Variants in ASIC2 observed in about 807,000 individuals in gnomAD.
ASIC2 encodes the protein acid sensing ion channel subunit 2, also known as acid-sensing ion channel 2.
ASIC2 carries 25 observed loss-of-function variants against 57.3 expected under a neutral mutation model. The observed-to-expected ratio is 0.44, with a 90% CI of 0.32 to 0.61. The LOEUF is 0.61. Among genes scored for constraint, ASIC2 ranks in the 20% least tolerant of loss-of-function variants. The pLI, the probability that ASIC2 is intolerant of heterozygous loss-of-function variation, is 0.06. For synonymous variants in ASIC2, 319 were observed against 307.5 expected, an observed-to-expected ratio of 1.04 and a Z score of -0.39; for missense variants, 641 against 738.1, an observed-to-expected ratio of 0.87 and a Z score of 1.52.
At chr17:33,520,635 A>G (rs1161051648) in intron 1 of ASIC2, among the ~76,000 whole-genome samples, 2 of 152,244 alleles carry the variant, frequency 1.3e-5, no homozygotes, top group African/African-American at 4.8e-5. Flanking sequence ...GTGAGCCCAC[A>G]GTCTGGCTGA....
intron 1 of ASIC2, among the ~76,000 whole-genome samples, chr17:33,284,302 T>C (rs1441300597): frequency 6.6e-6 from 1 of 152,226 alleles, no homozygotes; most frequent in Non-Finnish European, 1.5e-5. Flanking sequence ...CATTTCCTCA[T>C]GCAGGACTTC....
At chr17:34,102,865 C>T (rs1039009518) in intron 1 of ASIC2, among the ~76,000 whole-genome samples, 2 of 152,108 alleles carry the variant, frequency 1.3e-5, no homozygotes, top group Admixed American at 1.3e-4. Context: ...TAAGAAATTA[C>T]CAAAGTGGTT....
intron 1 of ASIC2, among the ~76,000 whole-genome samples, chr17:33,391,164 T>G (rs1297347927): frequency 6.6e-6 from 1 of 152,210 alleles, no homozygotes; most frequent in Non-Finnish European, 1.5e-5. Context: ...ACTATCCTTA[T>G]TTTATAGATG....
intron 1 of ASIC2, among the ~76,000 whole-genome samples, chr17:33,765,874 C>T (rs1251406795): frequency 6.6e-6 from 1 of 152,180 alleles, no homozygotes; most frequent in Non-Finnish European, 1.5e-5. Context: ...ACCGCACAGC[C>T]CCAGATGTGG....
At chr17:33,553,831 T>C (rs535052779) in intron 1 of ASIC2, among the ~76,000 whole-genome samples, 93 of 152,326 alleles carry the variant, frequency 6.1e-4, no homozygotes, top group Non-Finnish European at 1.1e-3. Context: ...TAACTTATTC[T>C]AATGTCTCAC....
At chr17:33,417,330 AT>A (rs1389527108) in intron 1 of ASIC2, among the ~76,000 whole-genome samples, 3 of 152,210 alleles carry the variant, frequency 2.0e-5, no homozygotes, top group African/African-American at 7.2e-5. Context: ...GCTTCCAGTG[AT>A]GGCAAAATCA....
chr17:34,016,027 T>A (rs551469763), intron 1 of ASIC2, among the ~76,000 whole-genome samples: 18 of 152,316 alleles, frequency 1.2e-4, no homozygotes, highest in African/African-American at 4.3e-4. Context: ...TCTCAAAACA[T>A]AAAATGAACA....
intron 1 of ASIC2, among the ~76,000 whole-genome samples, chr17:33,582,443 G>A (rs1904475085): frequency 1.3e-5 from 2 of 152,178 alleles, no homozygotes; most frequent in African/African-American, 2.4e-5. Flanking sequence ...AGAGGTTAGC[G>A]CTTAAGAGTC....
chr17:33,193,381 C>G (rs566560185), intron 1 of ASIC2, among the ~76,000 whole-genome samples: 1 of 152,316 alleles, frequency 6.6e-6, no homozygotes, highest in South Asian at 2.1e-4. Context: ...GTGCTGCCAT[C>G]AGGCTGCCTG....
chr17:33,114,636 G>A (rs1442850616), intron 1 of ASIC2, among the ~76,000 whole-genome samples: 1 of 152,156 alleles, frequency 6.6e-6, no homozygotes, highest in African/African-American at 2.4e-5. Context: ...CTGTGATCTT[G>A]GCCCTGCCAA....
At chr17:34,045,909 T>C (rs546520991) in intron 1 of ASIC2, among the ~76,000 whole-genome samples, 1 of 152,322 alleles carries the variant, frequency 6.6e-6, no homozygotes, top group East Asian at 1.9e-4. Flanking sequence ...CTTTGCTCAA[T>C]GGAATATGGA....
intron 1 of ASIC2, among the ~76,000 whole-genome samples, chr17:33,374,038 C>G (rs762511159): frequency 1.3e-5 from 2 of 152,072 alleles, no homozygotes; most frequent in Non-Finnish European, 2.9e-5. Context: ...TCTTGCGGCC[C>G]AGGCTGCAGC....
intron 1 of ASIC2, among the ~76,000 whole-genome samples, chr17:33,731,147 C>A (rs781691065): frequency 2.6e-5 from 4 of 152,224 alleles, no homozygotes; most frequent in African/African-American, 9.6e-5. Context: ...TTTATATTCT[C>A]ACACCTCAAG....
chr17:33,118,912 C>G (rs552440106), intron 1 of ASIC2, among the ~76,000 whole-genome samples: 22 of 152,258 alleles, frequency 1.4e-4, no homozygotes, highest in Non-Finnish European at 2.5e-4. Context: ...ATGCCAGCCT[C>G]TGGGCTTGGT....
At chr17:33,158,029 G>A (rs908456673) in intron 1 of ASIC2, among the ~76,000 whole-genome samples, 3 of 152,088 alleles carry the variant, frequency 2.0e-5, no homozygotes, top group East Asian at 1.9e-4. Context: ...TCCCATCCTC[G>A]TGGTTTTCAG....
intron 1 of ASIC2, among the ~76,000 whole-genome samples, chr17:33,228,294 C>T (rs190629232): frequency 1.3e-5 from 2 of 152,134 alleles, no homozygotes; most frequent in Admixed American, 1.3e-4. Context: ...GCTACTGAAT[C>T]GAACACTTGA....
At chr17:33,118,845 T>C (rs1345250242) in intron 1 of ASIC2, among the ~76,000 whole-genome samples, 1 of 152,076 alleles carries the variant, frequency 6.6e-6, no homozygotes, top group Non-Finnish European at 1.5e-5. Flanking sequence ...AGGATCCTTT[T>C]CCTGGAGCAT....
At chr17:33,417,471 C>T (rs1464196681) in intron 1 of ASIC2, among the ~76,000 whole-genome samples, 1 of 152,196 alleles carries the variant, frequency 6.6e-6, no homozygotes, top group East Asian at 1.9e-4. Context: ...ACACAGAATA[C>T]ATTCATTGCT....
chr17:33,284,532 T>C (rs1905072654), intron 1 of ASIC2, among the ~76,000 whole-genome samples: 1 of 152,128 alleles, frequency 6.6e-6, no homozygotes. Context: ...CCAGGATGAC[T>C]CTCCAAAGCC....
Sources: allele counts gnomAD v4.1 joint callset (sites outside exome capture counted in the v4.1 genomes callset), GRCh38; gene constraint gnomAD v4.1.1; transcripts MANE v1.5; gene names NCBI Gene and HGNC (gene_info 2026-07-23, HGNC 2026-07-21).